The following CUEDC1 variants were observed in gnomAD, a reference collection of about 807,000 sequenced individuals.
CUEDC1 encodes CUE domain containing 1.
A neutral mutation model predicts 43.7 loss-of-function variants in CUEDC1; 30 were observed. The observed-to-expected ratio is 0.69, with a 90% CI of 0.51 to 0.93. The LOEUF is 0.93. Ranked by LOEUF, CUEDC1 falls within the 40% of genes least tolerant of loss-of-function variation. The pLI, the probability that CUEDC1 is intolerant of heterozygous loss-of-function variation, is 0.00. For synonymous variants in CUEDC1, 223 were observed against 223.6 expected, an observed-to-expected ratio of 1.00 and a Z score of 0.02; for missense variants, 486 against 549.0, an observed-to-expected ratio of 0.89 and a Z score of 1.15.
At chr17:57,926,460 G>A in intron 1 of CUEDC1, among the ~76,000 whole-genome samples, 1 of 151,968 alleles carries the variant, frequency 6.6e-6, no homozygotes, top group Admixed American at 6.6e-5. Context: ...AACATTTACA[G>A]ATCGGTGAGA....
rs140994664 is a variant in CUEDC1, at chr17:57,945,532, T to C, written c.-316+9693A>G. 9.3e-4 allele frequency among the ~76,000 whole-genome samples: 142 copies of C among 152,326 alleles called. 4 individuals are homozygous for C. The East Asian group carries it at 0.018, about 20-fold the overall frequency. ...TCCAGAATGTGGTGAAATCTCCTTA[T>C]GGCCATGCTGAAAAGAATTGGAATA... On this transcript the variant is annotated intron_variant, in intron 1 of 10. Transcript: ENST00000577830.
At chr17:57,898,342 C>A (rs989547751) in intron 1 of CUEDC1, among the ~76,000 whole-genome samples, 10 of 152,106 alleles carry the variant, frequency 6.6e-5, no homozygotes, top group African/African-American at 2.2e-4. Flanking sequence ...AGGAAGCTGC[C>A]GGTGGAGGGG....
intron 1 of CUEDC1, among the ~76,000 whole-genome samples, chr17:57,921,246 G>A (rs1598010677): frequency 9.3e-6 from 1 of 107,736 alleles, no homozygotes; most frequent in Non-Finnish European, 1.9e-5. Flanking sequence ...GCTATAAAAT[G>A]GGGGGAACCC....
rs547138818 is a variant in CUEDC1, at chr17:57,930,218, C to A, written c.-316+25007G>T. Among the ~76,000 whole-genome samples, 1 of 152,182 alleles carries A rather than the reference C, an allele frequency of 6.6e-6. No homozygotes were observed. The highest frequency in any genetic ancestry group is 1.5e-5 in the Non-Finnish European group (1 of 68,038). ...TCCATTTCTAACCAGGTGATGTCAG[C>A]GCTGCTGGTCTAGGGACCTGACTTT... On this transcript the variant is annotated intron_variant, in intron 1 of 10. Coordinates refer to ENST00000577830, the MANE Select transcript of CUEDC1 (RefSeq NM_001271875.2). This position sits in a 1 kb window ranked among gnomAD's most constrained non-coding sequence, Gnocchi z 4.2.
At chr17:57,863,709 A>G (rs2073914043) in intron 10 of CUEDC1, among the ~76,000 whole-genome samples, 1 of 152,128 alleles carries the variant, frequency 6.6e-6, no homozygotes, top group Non-Finnish European at 1.5e-5. Context: ...CTAAGACTTT[A>G]CTCAGAAGAC....
chr17:57,908,752 C>T (rs2143043905), intron 1 of CUEDC1, among the ~76,000 whole-genome samples: 1 of 152,258 alleles, frequency 6.6e-6, no homozygotes, highest in East Asian at 1.9e-4. Flanking sequence ...AATCCCAGGA[C>T]TTTGGGAGAC....
chr17:57,935,761 G>A (rs1044827867), intron 1 of CUEDC1, among the ~76,000 whole-genome samples: 1 of 152,150 alleles, frequency 6.6e-6, no homozygotes, highest in Non-Finnish European at 1.5e-5. Context: ...CAGCCTCAGC[G>A]CCTGGCCGTC....
intron 1 of CUEDC1, among the ~76,000 whole-genome samples, chr17:57,893,853 T>A (rs969949762): frequency 6.6e-6 from 1 of 152,234 alleles, no homozygotes; most frequent in Admixed American, 6.5e-5. Context: ...CCCAGCACTT[T>A]GGGAGGCCAA....
At chr17:57,924,112 AT>A (rs34465364) in intron 1 of CUEDC1, among the ~76,000 whole-genome samples, 61,524 of 148,314 alleles carry the variant, frequency 0.41, 13,589 homozygotes, top group African/African-American at 0.57. Context: ...TTCTTCCTGC[AT>A]TTTTTTTTTT....
At chr17:57,878,317 C>A (rs372772980) in intron 3 of CUEDC1, among the ~76,000 whole-genome samples, 1 of 152,196 alleles carries the variant, frequency 6.6e-6, no homozygotes, top group Non-Finnish European at 1.5e-5. Context: ...ACAGTGCCCG[C>A]CTCTGCATTA....
chr17:57,917,819 G>C (rs1418287741), intron 1 of CUEDC1, among the ~76,000 whole-genome samples: 2 of 152,236 alleles, frequency 1.3e-5, no homozygotes, highest in African/African-American at 4.8e-5. Context: ...CGTGCACTGA[G>C]GCAGGGGCAG....
chr17:57,924,845 T>C (rs1025723949), intron 1 of CUEDC1, among the ~76,000 whole-genome samples: 4 of 152,120 alleles, frequency 2.6e-5, no homozygotes, highest in African/African-American at 9.7e-5. Flanking sequence ...TGGATTAATA[T>C]TACACCAAGA....
chr17:57,865,899 T>C (rs1044659361), intron 10 of CUEDC1, among the ~76,000 whole-genome samples: 26 of 151,120 alleles, frequency 1.7e-4, no homozygotes, highest in African/African-American at 5.6e-4. Flanking sequence ...CTCAGCTCAC[T>C]GCCACCTCCG....
At chr17:57,873,006 C>CA in intron 4 of CUEDC1, 151 bp from the exon 5 acceptor site, 1 of 704,470 alleles carries the variant, frequency 1.4e-6, no homozygotes. Flanking sequence ...GGTTGCGAGC[C>CA]AAAATCCAAC....
intron 1 of CUEDC1, among the ~76,000 whole-genome samples, chr17:57,890,829 C>A (rs183556531): frequency 2.6e-3 from 402 of 152,356 alleles, no homozygotes; most frequent in African/African-American, 9.3e-3. Context: ...TGCATGGGGG[C>A]TATGAGAGCT....
At chr17:57,894,390 G>T (rs553988071) in intron 1 of CUEDC1, among the ~76,000 whole-genome samples, 1 of 152,298 alleles carries the variant, frequency 6.6e-6, no homozygotes, top group Non-Finnish European at 1.5e-5. Flanking sequence ...CAGAAGAAAG[G>T]CCAGGCTTGG....
chr17:57,934,356 C>A (rs2074839089), intron 1 of CUEDC1, among the ~76,000 whole-genome samples: 1 of 151,946 alleles, frequency 6.6e-6, no homozygotes, highest in Non-Finnish European at 1.5e-5. Context: ...CACACCACTG[C>A]ACTCCAGCCT....
intron 1 of CUEDC1, among the ~76,000 whole-genome samples, chr17:57,944,923 T>TAG (rs2074947433): frequency 6.6e-6 from 1 of 152,154 alleles, no homozygotes. Flanking sequence ...AAAGCTGCCT[T>TAG]AGGGAGAGGG....
chr17:57,906,015 A>G, intron 1 of CUEDC1, among the ~76,000 whole-genome samples: 1 of 152,382 alleles, frequency 6.6e-6, no homozygotes, highest in Non-Finnish European at 1.5e-5. Flanking sequence ...TGAAAAAGAT[A>G]GTGAAACACA....
Sources: allele counts gnomAD v4.1 joint callset (sites outside exome capture counted in the v4.1 genomes callset), GRCh38; gene constraint gnomAD v4.1.1; non-coding constraint Gnocchi (gnomAD v3.1); transcripts MANE v1.5; gene names NCBI Gene and HGNC (gene_info 2026-07-23, HGNC 2026-07-21).